Variants in RPL7 observed in about 807,000 individuals in gnomAD.
The protein encoded by RPL7 is ribosomal protein L7, also known as large ribosomal subunit protein uL30.
For synonymous variants in RPL7, 100 were observed against 102.2 expected (o/e 0.98, Z 0.13); for missense variants, 205 against 301.9 (o/e 0.68, Z 2.38).
upstream of RPL7, chr8:73,293,905 A>G (rs562894076): frequency 1.4e-4 from 54 of 391,356 alleles, no homozygotes; most frequent in African/African-American, 1.0e-3. Context: ...CTGCGCTGAC[A>G]GGATTAGGCT....
chr8:73,291,117 G>A lies in RPL7; in HGVS notation c.674C>T (p.Thr225Ile). 1 of 1,608,550 alleles carries A rather than the reference G, an allele frequency of 6.2e-7. No individual in the cohort carries two copies. The highest frequency in any genetic ancestry group is 8.5e-7 in the Non-Finnish European group (1 of 1,176,064). The change falls in exon 6 of 7, where the codon ACC becomes ATC. Residue 225 changes from threonine to isoleucine, a missense_variant. Physicochemically the swap from Thr to Ile is moderately conservative, Grantham distance 89. Transcript: ENST00000352983. ...SPRGGMKKKT[T>I]HFVEGGDAGN... ...AGCATCTCCACCTTCTACAAAATGG[G>A]TGGTCTTTTTCTTCATTCCACCTCG...
Position 73,292,770 on chromosome 8 carries a change from C to G in RPL7, c.42G>C (p.Val14=), listed in dbSNP as rs17850037. 2.2e-5 allele frequency: 35 copies of G among 1,612,800 alleles called. No individual in the cohort carries two copies. The highest frequency in any genetic ancestry group is 2.9e-5 in the Non-Finnish European group (34 of 1,179,646). Reference sequence around the variant, plus strand: ...TTCGCTTTTTCTTAAGGGTTTCTGGCACAGCAGGAACCTCCTTCTTCTTCT... The same window carrying G: ...TTCGCTTTTTCTTAAGGGTTTCTGGGACAGCAGGAACCTCCTTCTTCTTCT... ...VEEKKKEVPA[V]PETLKKKRRN... is the part of the protein sequence containing the mutation. The change falls in exon 2 of 7, where the codon GTG becomes GTC. Residue 14 remains valine (V), a synonymous_variant. Transcript: ENST00000352983.
intron 3 of RPL7, 95 bp downstream of exon 3, chr8:73,292,144 T>TA: frequency 7.8e-7 from 1 of 1,274,556 alleles, no homozygotes; most frequent in Non-Finnish European, 1.1e-6. Context: ...AAAATATTGT[T>TA]ACTCCGGTGT....
chr8:73,291,655 G>A lies in RPL7; in HGVS notation c.435C>T (p.Pro145=), dbSNP rs1420595923. 1 of 1,591,776 alleles carries A rather than the reference G, an allele frequency of 6.3e-7. No homozygotes were observed. The highest frequency in any genetic ancestry group is 2.3e-5 in the East Asian group (1 of 44,208). The change falls in exon 5 of 7, where the codon CCC becomes CCT. Residue 145 remains proline, a synonymous_variant. Coordinates refer to ENST00000352983, the MANE Select transcript of RPL7 (RefSeq NM_000971.4). ...TTAGTTCATTTACTGACTTCAGATT[G>A]GGGTACCTGAAGTGAAAAAGCAAAC... The part of the protein sequence containing the change: ...IVEPYIAWGY[P]NLKSVNELIY...
rs2070764 is a variant in RPL7, at chr8:73,292,418, A to G, written c.124-13T>C. 3 of 1,588,110 alleles carry G rather than the reference A, an allele frequency of 1.9e-6. No individual in the cohort carries two copies. Among genetic ancestry groups the G allele is most frequent in the African/African-American group, 1.3e-5 (1 of 74,472 alleles). ...TTGCCTTTCGAAGCTGAAAACCAAT[A>G]ATCAGTTATTCATAATTTTTAGCTC... On this transcript the variant is annotated splice_polypyrimidine_tract_variant and intron_variant, in intron 2 of 6. Coordinates refer to ENST00000352983, the MANE Select transcript of RPL7 (RefSeq NM_000971.4).
intron 1 of RPL7, 92 bp from the exon 2 acceptor site, chr8:73,292,889 G>T: frequency 2.2e-6 from 2 of 901,454 alleles, no homozygotes; most frequent in Non-Finnish European, 3.4e-6. Context: ...TACCAGAAAT[G>T]CTGTCACTGA....
Position 73,293,579 on chromosome 8 carries a change from G to C in RPL7, c.14+20C>G. The C allele has an allele frequency of 2.5e-6, 4 of 1,613,742 alleles. No individual in the cohort carries two copies. The South Asian group carries it at 4.4e-5, about 18-fold the overall frequency. On this transcript the variant is annotated intron_variant, in intron 1 of 6. Coordinates refer to ENST00000352983, the MANE Select transcript of RPL7 (RefSeq NM_000971.4). ...TCTGGAGATGGAGAAGGATTCTCAA[G>C]AGGACCAGAAGCAACTCACTCTACA...
upstream of RPL7, chr8:73,293,657 A>C: frequency 6.2e-7 from 1 of 1,611,552 alleles, no homozygotes; most frequent in Non-Finnish European, 8.5e-7. Context: ...CGTACTGTCC[A>C]CTTAAAGACT....
chr8:73,292,621 C>T (rs1814129360), intron 2 of RPL7, 68 bp downstream of exon 2: 1 of 1,218,210 alleles, frequency 8.2e-7, no homozygotes, highest in Non-Finnish European at 1.2e-6. Context: ...TTGCCAAGAA[C>T]ATTCACCTCA....
chr8:73,293,317 C>T, intron 1 of RPL7: 1 of 462,682 alleles, frequency 2.2e-6, no homozygotes, highest in Non-Finnish European at 4.0e-6. Flanking sequence ...TCTGCGCCTC[C>T]CCCGAAAGAC....
At chr8:73,292,569 T>C (rs1814127910) in intron 2 of RPL7, 120 bp downstream of exon 2, 3 of 1,015,550 alleles carry the variant, frequency 3.0e-6, no homozygotes, top group Admixed American at 2.4e-5. Context: ...ATTGTAACAT[T>C]AGGTAGCTAA....
At chr8:73,290,781 T>C in intron 6 of RPL7, 76 bp from the exon 7 acceptor site, 1 of 423,284 alleles carries the variant, frequency 2.4e-6, no homozygotes, top group Non-Finnish European at 4.3e-6. Context: ...AGTTATAAAG[T>C]AATGATTGAG....
At chr8:73,291,962 T>C in intron 3 of RPL7, 52 bp from the exon 4 acceptor site, 2 of 1,596,076 alleles carry the variant, frequency 1.3e-6, no homozygotes, top group Non-Finnish European at 1.7e-6. Context: ...AAATTTTTAT[T>C]AATACTAACC....
intron 1 of RPL7, 27 bp downstream of exon 1, chr8:73,293,572 T>G (rs373273646): frequency 9.9e-6 from 16 of 1,613,492 alleles, no homozygotes; most frequent in East Asian, 4.5e-5. Context: ...TGGAGAAGGA[T>G]TCTCAAGAGG....
chr8:73,291,334 G>A, intron 5 of RPL7, 82 bp from the exon 6 acceptor site: 2 of 1,165,172 alleles, frequency 1.7e-6, no homozygotes, highest in South Asian at 1.5e-5. Flanking sequence ...TGAATAGGCT[G>A]TGAGATGAAA....
At chr8:73,291,318 T>A in intron 5 of RPL7, 66 bp from the exon 6 acceptor site, 1 of 1,272,826 alleles carries the variant, frequency 7.9e-7, no homozygotes, top group Non-Finnish European at 1.1e-6. Context: ...TTATTCAAAA[T>A]CTTTTTGAAT....
Position 73,293,584 on chromosome 8 carries a change from C to G in RPL7, c.14+15G>C. 6.2e-7 allele frequency: 1 copy of G among 1,613,698 alleles called. No homozygotes were observed. Among genetic ancestry groups the G allele is most frequent in the Non-Finnish European group, 8.5e-7 (1 of 1,179,844 alleles). On this transcript the variant is annotated intron_variant, in intron 1 of 6. Coordinates refer to ENST00000352983, the MANE Select transcript of RPL7 (RefSeq NM_000971.4). The stretch of plus-strand genomic sequence containing the variant: ...AGATGGAGAAGGATTCTCAAGAGGA[C>G]CAGAAGCAACTCACTCTACACCCTC...
rs757588981 is a variant in RPL7 at position 73,292,856 on chromosome 8, C to T, written c.15-59G>A. The T allele has an allele frequency of 4.0e-6, 5 of 1,240,296 alleles. No individual in the cohort carries two copies. The Admixed American group carries it at 6.1e-5, about 15-fold the overall frequency. The allele number at this position is 1,240,296 out of a possible 1,614,324, so 76.8% of individuals were successfully genotyped here. A position where few individuals can be genotyped will look rare whatever the true frequency, so the allele number is the denominator to read the frequency against. Reference sequence around the variant, plus strand: ...TCAAAAAGCTCACAGCGCTGTATTACTCCCGTACTGAGCAGTGTTGTTTAC... The same window carrying T: ...TCAAAAAGCTCACAGCGCTGTATTATTCCCGTACTGAGCAGTGTTGTTTAC... On this transcript the variant is annotated intron_variant, in intron 1 of 6. Transcript: ENST00000352983.
At chr8:73,292,879 TAC>T in intron 1 of RPL7, 82 bp from the exon 2 acceptor site, 1 of 997,482 alleles carries the variant, frequency 1.0e-6, no homozygotes, top group Non-Finnish European at 1.5e-6. Context: ...CAGTGTTGTT[TAC>T]CAGAAATGCT....
Sources: allele counts gnomAD v4.1 joint callset, GRCh38; gene constraint gnomAD v4.1.1; transcripts MANE v1.5; gene names NCBI Gene and HGNC (gene_info 2026-07-23, HGNC 2026-07-21).